Variants in FAM217B observed in about 807,000 individuals in gnomAD.
The protein encoded by FAM217B is protein FAM217B.
For missense variants in FAM217B, 463 were observed against 456.9 expected, an observed-to-expected ratio of 1.01 and a Z score of -0.12; for synonymous variants, 163 against 173.0, an observed-to-expected ratio of 0.94 and a Z score of 0.45.
At position 59,948,494 on chromosome 20, in the gene FAM217B, A is replaced by G. The variant is rs1265790213; in HGVS notation, c.*3399A>G. The stretch of plus-strand genomic sequence containing the variant: ...TATTTTAAGGTAATTCAGAAGCAGT[A>G]TGTATTATTTATGTACATGTACAGG... On this transcript the variant is annotated 3_prime_UTR_variant, in exon 4 of 4. Transcript: ENST00000360816. 6.0e-6 allele frequency: 1 copy of G among 167,054 alleles called. No individual in the cohort carries two copies. The highest frequency in any genetic ancestry group is 1.5e-5 in the Non-Finnish European group (1 of 68,124). 10.3% of individuals were successfully genotyped at this position (167,054 alleles called of 1,614,324 possible).
chr20:59,943,877 T>C (rs1224038489), intron 3 of FAM217B, 63 bp from the exon 4 acceptor site: 2 of 1,363,880 alleles, frequency 1.5e-6, no homozygotes, highest in Non-Finnish European at 2.0e-6. Flanking sequence ...TTTTGTTTGT[T>C]TAATTATAGC....
intron 1 of FAM217B, among the ~76,000 whole-genome samples, chr20:59,940,928 A>T (rs1601044122): frequency 6.6e-6 from 1 of 152,294 alleles, no homozygotes; most frequent in Non-Finnish European, 1.5e-5. Context: ...AAGACAGGGG[A>T]ACAAGAGTTA....
upstream of FAM217B, chr20:59,937,653 GTCCT>G (rs2060869960): frequency 6.7e-6 from 1 of 149,952 alleles, no homozygotes; most frequent in Non-Finnish European, 1.5e-5. Flanking sequence ...TGGAGATCTT[GTCCT>G]TCCTGGCTGT....
At chr20:59,942,798 T>G (rs1421884412) in intron 3 of FAM217B, among the ~76,000 whole-genome samples, 1 of 152,194 alleles carries the variant, frequency 6.6e-6, no homozygotes, top group Admixed American at 6.5e-5. Flanking sequence ...GTGACAATAA[T>G]TAATTTTTAT....
chr20:59,937,666 GTT>G (rs544890202), upstream of FAM217B: 3,136 of 143,326 alleles, frequency 0.022, 107 homozygotes, highest in African/African-American at 0.075. Context: ...CTTCCTGGCT[GTT>G]TTTTTTTTTT....
chr20:59,939,106 T>C (rs997358557), upstream of FAM217B: 6 of 1,601,068 alleles, frequency 3.7e-6, no homozygotes, highest in South Asian at 5.5e-5. Context: ...CATGTGAGGC[T>C]GTAGTCTCGG....
upstream of FAM217B, chr20:59,937,586 G>A (rs946104603): frequency 9.9e-5 from 15 of 152,054 alleles, no homozygotes; most frequent in African/African-American, 3.4e-4. Flanking sequence ...ATTTCTTGGT[G>A]ACAGGTAGCA....
chr20:59,940,017 A>C, upstream of FAM217B: 1 of 1,141,668 alleles, frequency 8.8e-7, no homozygotes, highest in Non-Finnish European at 1.1e-6. Context: ...CAGAAGCCGC[A>C]GAGAGTCCAC....
Position 59,946,225 on chromosome 20 carries a change from C to T in FAM217B, c.*1130C>T, listed in dbSNP as rs2060936306. On this transcript the variant is annotated 3_prime_UTR_variant, in exon 4 of 4. Transcript: ENST00000360816. ...ACTCTCTCCAAGCCTTCTTATTTCA[C>T]TGCAGTTAAATAACATCTTCTTGTT... The T allele has an allele frequency of 6.0e-6, 1 of 167,074 alleles. No individual in the cohort carries two copies. Among genetic ancestry groups the T allele is most frequent in the Non-Finnish European group, 1.5e-5 (1 of 68,118 alleles). The allele number at this position is 167,074 out of a possible 1,614,324, so 10.3% of individuals were successfully genotyped here.
chr20:59,944,487 A>T lies in FAM217B; in HGVS notation c.544A>T (p.Ile182Phe). The change falls in exon 4 of 4, where the codon ATC (isoleucine) becomes TTC (phenylalanine). Residue 182 changes from isoleucine (I) to phenylalanine (F), a missense_variant. Physicochemically the swap from Ile to Phe is conservative, Grantham distance 21. Coordinates refer to ENST00000360816, the MANE Select transcript of FAM217B (RefSeq NM_022106.3). Reference sequence around the variant, plus strand: ...AGTGGGAGGACTTCTTGGGAAGTATATCGATAGACTTATTCAGCTTGAGTG... The same window carrying T: ...AGTGGGAGGACTTCTTGGGAAGTATTTCGATAGACTTATTCAGCTTGAGTG... ...PRVGGLLGKY[I>F]DRLIQLEWLQ... is the part of the protein sequence containing the mutation. 1 of 1,614,016 alleles carries T rather than the reference A, an allele frequency of 6.2e-7. No individual in the cohort carries two copies. The highest frequency in any genetic ancestry group is 8.5e-7 in the Non-Finnish European group (1 of 1,180,010).
chr20:59,934,135 G>A (rs2060835938), intron 1 of FAM217B, among the ~76,000 whole-genome samples: 1 of 152,178 alleles, frequency 6.6e-6, no homozygotes, highest in Non-Finnish European at 1.5e-5. Flanking sequence ...CAGGGCGCCG[G>A]GCCGACGACT....
chr20:59,945,044 G>GA lies in FAM217B; in HGVS notation c.1107dup (p.Leu370ThrfsTer12), dbSNP rs750098241. The GA allele has an allele frequency of 7.5e-6, 12 of 1,601,772 alleles. No individual in the cohort carries two copies. Among genetic ancestry groups the GA allele is most frequent in the East Asian group, 4.5e-5 (2 of 44,832 alleles). On this transcript the variant is annotated frameshift_variant, in exon 4 of 4. Transcript: ENST00000360816. LOFTEE classifies it high-confidence loss of function. The stretch of plus-strand genomic sequence containing the variant: ...GTGGTCATGCCACTGTATCGAGTGA[G>GA]AAAAAACTGAAAACAAACGGAGTAA...
chr20:59,944,920 C>T lies in FAM217B; in HGVS notation c.977C>T (p.Pro326Leu), dbSNP rs1470611572. 3 of 1,614,068 alleles carry T rather than the reference C, an allele frequency of 1.9e-6. No individual in the cohort carries two copies. In the South Asian group the frequency reaches 3.3e-5, roughly 18 times the overall value. Residue 326 changes from proline (P) to leucine (L), a missense_variant, in exon 4 of 4, where the codon CCC becomes CTC. Physicochemically the swap from Pro to Leu is moderately conservative, Grantham distance 98. Transcript: ENST00000360816. ...GAAACCAGCGGTCACATTCGAGTTC[C>T]CAAACAGGCAGCTGTGATTCTGGAC... ...KVETSGHIRVPKQAAVILDSA... is the reference protein window; with the variant it reads ...KVETSGHIRVLKQAAVILDSA...
At chr20:59,938,985 G>A, upstream of FAM217B, 1 of 1,452,116 alleles carries the variant, frequency 6.9e-7, no homozygotes, top group East Asian at 2.4e-5. Context: ...AATGACAGGA[G>A]GCGCAGCTTA....
chr20:59,940,757 C>T (rs1338597091), intron 1 of FAM217B, among the ~76,000 whole-genome samples: 7 of 152,170 alleles, frequency 4.6e-5, no homozygotes, highest in Admixed American at 3.9e-4. Context: ...TTCACTGCAA[C>T]CTGGACCCTT....
rs1039643728 is a variant in FAM217B at position 59,947,655 on chromosome 20, G to T, written c.*2560G>T. The T allele has an allele frequency of 6.0e-6, 1 of 167,052 alleles. No individual in the cohort carries two copies. The highest frequency in any genetic ancestry group is 2.4e-5 in the African/African-American group (1 of 41,458). The allele number at this position is 167,052 out of a possible 1,614,324, so 10.3% of individuals were successfully genotyped here. A position where few individuals can be genotyped will look rare whatever the true frequency, so the allele number is the denominator to read the frequency against. ...AAAGCCTGCAAAAGTGACTTTGCTT[G>T]TTTACTTTCTGCCTCAGATTGACTA... On this transcript the variant is annotated 3_prime_UTR_variant, in exon 4 of 4. Transcript: ENST00000360816.
chr20:59,939,523 T>G (rs764814480), upstream of FAM217B: 6 of 1,611,884 alleles, frequency 3.7e-6, no homozygotes, highest in African/African-American at 8.0e-5. Context: ...TCCGAGTTGA[T>G]TGCGAGCCGC....
chr20:59,936,479 G>A (rs1000085208), upstream of FAM217B, among the ~76,000 whole-genome samples: 3 of 152,180 alleles, frequency 2.0e-5, no homozygotes, highest in African/African-American at 4.8e-5. Context: ...GTCACGATCC[G>A]GAAGGCAGAC....
intron 1 of FAM217B, among the ~76,000 whole-genome samples, chr20:59,941,873 A>G (rs889103886): frequency 6.6e-6 from 1 of 152,196 alleles, no homozygotes; most frequent in African/African-American, 2.4e-5. Flanking sequence ...TTTCTTCAAC[A>G]TATTATTTCC....
Sources: gnomAD v4.1 joint callset for allele counts (sites outside exome capture counted in the v4.1 genomes callset) on GRCh38, gnomAD v4.1.1 for gene constraint, MANE v1.5 for transcripts, NCBI Gene and HGNC (gene_info 2026-07-23, HGNC 2026-07-21) for gene names.